Variants in MATN2 observed in about 807,000 individuals in gnomAD.
MATN2 encodes matrilin-2.
A neutral mutation model predicts 103.2 loss-of-function variants in MATN2; 69 were observed. The observed-to-expected ratio is 0.67, with a 90% CI of 0.55 to 0.82. The LOEUF (loss-of-function observed/expected upper bound fraction) is 0.82. MATN2 is among the 40% of genes least tolerant of loss of function. The pLI is 0.00. For missense variants in MATN2, 1,023 were observed against 1,211.5 expected, an observed-to-expected ratio of 0.84 and a Z score of 2.31; for synonymous variants, 429 against 450.2, an observed-to-expected ratio of 0.95 and a Z score of 0.60.
At chr8:97,892,415 C>CAA (rs35181049) in intron 2 of MATN2, among the ~76,000 whole-genome samples, 2,131 of 77,234 alleles carry the variant, frequency 0.028, 113 homozygotes, top group African/African-American at 0.047. Flanking sequence ...GACCCTGTCT[C>CAA]AAAAAAAAAA....
chr8:98,016,857 A>C (rs1409836543), intron 11 of MATN2, among the ~76,000 whole-genome samples, 195 bp downstream of exon 11: 1 of 152,224 alleles, frequency 6.6e-6, no homozygotes, highest in Non-Finnish European at 1.5e-5. Context: ...TAAAATATAG[A>C]CTTTAGTTAA....
At chr8:98,027,921 C>G in intron 14 of MATN2, 92 bp downstream of exon 14, 1 of 1,353,330 alleles carries the variant, frequency 7.4e-7, no homozygotes, top group Non-Finnish European at 9.9e-7. Context: ...GGGTAAGCTT[C>G]TTTGAGTGTA....
At position 97,941,779 on chromosome 8, in the gene MATN2, G is replaced by A; in HGVS notation, c.715G>A (p.Ala239Thr). 1.3e-6 allele frequency: 2 copies of A among 1,590,186 alleles called. No homozygotes were observed. The highest frequency in any genetic ancestry group is 1.8e-5 in the Admixed American group (1 of 55,262). ...TSVFQKKLCTAHMCSTLEHNC... is the reference protein window; with the variant it reads ...TSVFQKKLCTTHMCSTLEHNC... ...CCTTCCTGTGTCTTCCCTTTCAGCG[G>A]CCCATATGTGCAGCACCCTGGAGCA... is the stretch of plus-strand genomic sequence containing the variant. Residue 239 changes from alanine (A) to threonine (T), a missense_variant and splice_region_variant, in exon 4 of 19, where the codon GCC becomes ACC. By Grantham distance (58) the Ala-to-Thr change is moderately conservative. Coordinates refer to ENST00000254898, the MANE Select transcript of MATN2 (RefSeq NM_002380.5).
At chr8:97,999,072 T>C (rs1812696743) in intron 7 of MATN2, among the ~76,000 whole-genome samples, 1 of 152,214 alleles carries the variant, frequency 6.6e-6, no homozygotes. Flanking sequence ...TCTAGGTGCC[T>C]CATATAAGTG....
chr8:97,942,006 G>C (rs1052716984), intron 4 of MATN2, 107 bp downstream of exon 4: 2 of 1,365,308 alleles, frequency 1.5e-6, no homozygotes, highest in Non-Finnish European at 1.0e-6. Flanking sequence ...ACCCACCCCA[G>C]TTATCATCCC....
intron 5 of MATN2, among the ~76,000 whole-genome samples, chr8:97,964,478 G>A (rs1811421730): frequency 7.1e-6 from 1 of 140,068 alleles, no homozygotes. Flanking sequence ...TTTTGAGATT[G>A]AGTCTTGCTC....
At chr8:97,994,415 C>T in intron 6 of MATN2, 65 bp from the exon 7 acceptor site, 1 of 1,536,594 alleles carries the variant, frequency 6.5e-7, no homozygotes, top group Non-Finnish European at 8.8e-7. Flanking sequence ...ACTGGAAATC[C>T]CTGGTTTTCC....
chr8:97,954,533 G>A (rs1811079767), intron 4 of MATN2, among the ~76,000 whole-genome samples: 1 of 152,154 alleles, frequency 6.6e-6, no homozygotes, highest in Middle Eastern at 3.2e-3. Context: ...AGCTACCAAC[G>A]TGGCCTCTTT....
At chr8:97,927,235 C>G (rs1810016225) in intron 2 of MATN2, among the ~76,000 whole-genome samples, 1 of 152,176 alleles carries the variant, frequency 6.6e-6, no homozygotes. Flanking sequence ...CCTCCAGCTC[C>G]CAGGTTCAAG....
chr8:98,015,804 C>T (rs1332337874), intron 10 of MATN2, among the ~76,000 whole-genome samples: 1 of 152,214 alleles, frequency 6.6e-6, no homozygotes, highest in East Asian at 1.9e-4. Context: ...AAAGCAGAAA[C>T]TTTGTTTCGT....
At chr8:98,028,731 C>G (rs917555351) in intron 14 of MATN2, among the ~76,000 whole-genome samples, 1 of 152,032 alleles carries the variant, frequency 6.6e-6, no homozygotes, top group Non-Finnish European at 1.5e-5. Context: ...GTACTACAGG[C>G]GCCCGCCACC....
chr8:98,015,792 C>T (rs1813338957), intron 10 of MATN2, among the ~76,000 whole-genome samples: 1 of 152,216 alleles, frequency 6.6e-6, no homozygotes, highest in Admixed American at 6.5e-5. Flanking sequence ...GTAAGCTTCA[C>T]AAAAGCAGAA....
intron 4 of MATN2, 89 bp from the exon 5 acceptor site, chr8:97,961,319 G>A: frequency 7.5e-7 from 1 of 1,338,792 alleles, no homozygotes; most frequent in Non-Finnish European, 1.0e-6. Flanking sequence ...TTTGGTGAGG[G>A]CTCTGGAGTT....
chr8:98,023,426 C>G (rs1288293268), intron 13 of MATN2, among the ~76,000 whole-genome samples: 1 of 152,084 alleles, frequency 6.6e-6, no homozygotes, highest in Non-Finnish European at 1.5e-5. Context: ...ATCCCAGCAC[C>G]TTGGGAAGCT....
At chr8:97,884,675 G>A (rs1457882721) in intron 1 of MATN2, among the ~76,000 whole-genome samples, 1 of 152,050 alleles carries the variant, frequency 6.6e-6, no homozygotes. Flanking sequence ...GGCGGCTGAG[G>A]CATGAGAATT....
Position 97,910,142 on chromosome 8 carries a change from A to C in MATN2, c.143-20811A>C, listed in dbSNP as rs547515574. Among the ~76,000 whole-genome samples, 34 of 149,430 alleles carry C rather than the reference A, an allele frequency of 2.3e-4. No individual in the cohort carries two copies. The East Asian group carries it at 6.1e-3, about 27-fold the overall frequency. On this transcript the variant is annotated intron_variant, in intron 2 of 18. Coordinates refer to ENST00000254898, the MANE Select transcript of MATN2 (RefSeq NM_002380.5). ...AGTGGTGCAATCTCAGCTCACTGCA[A>C]CCTCCGCCTCCCAGGTTCAAGCGAT...
intron 2 of MATN2, among the ~76,000 whole-genome samples, chr8:97,915,391 C>G (rs935233279): frequency 6.6e-6 from 1 of 152,156 alleles, no homozygotes; most frequent in African/African-American, 2.4e-5. Flanking sequence ...CCCTAGCACC[C>G]AGCACAAAGA....
rs1023303099 is a variant in MATN2, at chr8:97,905,400, C to T, written c.142+17158C>T. ...AATAACTCCTCATTCTTCCCTTCCC[C>T]ACCCCCCAGTAACTTCTATTCTACT... On this transcript the variant is annotated intron_variant, in intron 2 of 18. Coordinates refer to ENST00000254898, the MANE Select transcript of MATN2 (RefSeq NM_002380.5). Among the ~76,000 whole-genome samples, 6 of 152,192 alleles carry T rather than the reference C, an allele frequency of 3.9e-5. No individual in the cohort carries two copies. The East Asian group carries it at 1.2e-3, about 29-fold the overall frequency.
chr8:97,947,774 C>T (rs973842771), intron 4 of MATN2, among the ~76,000 whole-genome samples: 9 of 152,122 alleles, frequency 5.9e-5, no homozygotes, highest in African/African-American at 1.9e-4. Flanking sequence ...TTAAAATATA[C>T]ATGAACATGC....
Sources: gnomAD v4.1 joint callset for allele counts (sites outside exome capture counted in the v4.1 genomes callset) on GRCh38, gnomAD v4.1.1 for gene constraint, MANE v1.5 for transcripts, NCBI Gene and HGNC (gene_info 2026-07-23, HGNC 2026-07-21) for gene names.